The following TRPC5 variants were observed in gnomAD, a reference collection of about 807,000 sequenced individuals.
The protein encoded by TRPC5 is transient receptor potential cation channel subfamily C member 5.
A neutral mutation model predicts 56.5 loss-of-function variants in TRPC5; 9 were observed. That is an observed-to-expected ratio of 0.16 (90% confidence interval 0.10 to 0.28). TRPC5 has a LOEUF of 0.28. Ranked by LOEUF, TRPC5 falls within the 10% of genes least tolerant of loss-of-function variation. The pLI is 1.00. For missense variants in TRPC5, 469 were observed against 748.9 expected, an observed-to-expected ratio of 0.63 and a Z score of 4.36; for synonymous variants, 282 against 278.5, an observed-to-expected ratio of 1.01 and a Z score of -0.13.
intron 1 of TRPC5, among the ~76,000 whole-genome samples, chrX:112,062,065 T>C (rs1930472075): frequency 8.9e-6 from 1 of 111,965 alleles, no homozygotes; most frequent in African/African-American, 3.2e-5. Context: ...AGATGTGTTT[T>C]CCTTCTAGAC....
chrX:111,892,846 T>G (rs1225249068), intron 3 of TRPC5, among the ~76,000 whole-genome samples: 2 of 111,806 alleles, frequency 1.8e-5, no homozygotes, highest in East Asian at 2.8e-4. Context: ...TCACTAGTCA[T>G]GATGTACCAC....
At chrX:111,925,553 C>G (rs956378611) in intron 2 of TRPC5, among the ~76,000 whole-genome samples, 1 of 111,694 alleles carries the variant, frequency 9.0e-6, no homozygotes, top group Non-Finnish European at 1.9e-5. Context: ...AAAATTCTGG[C>G]AGGTTTCAAA....
At chrX:112,020,607 A>G (rs1929249368) in intron 1 of TRPC5, among the ~76,000 whole-genome samples, 1 of 111,972 alleles carries the variant, frequency 8.9e-6, no homozygotes, top group Non-Finnish European at 1.9e-5. Flanking sequence ...TGATGAGATG[A>G]GCAAGTATTA....
At chrX:111,931,002 G>A (rs1357848204) in intron 2 of TRPC5, 1 of 120,687 alleles carries the variant, frequency 8.3e-6, no homozygotes, top group Non-Finnish European at 1.7e-5. Flanking sequence ...CAAAAAGGAG[G>A]AGGAGGACAG....
At chrX:111,778,304 TAAAA>T (rs1386452111) in intron 10 of TRPC5, among the ~76,000 whole-genome samples, 1 of 111,073 alleles carries the variant, frequency 9.0e-6, no homozygotes, top group Admixed American at 9.6e-5. Context: ...ATAAAAAAAT[TAAAA>T]AATATATATA....
chrX:111,903,992 G>A (rs1037211224), intron 3 of TRPC5: 2 of 111,955 alleles, frequency 1.8e-5, no homozygotes, highest in Non-Finnish European at 3.8e-5. Context: ...TCAAAAAAAC[G>A]TGTGGTCATC....
Position 111,776,980 on chromosome X carries a change from C to G in TRPC5, c.2255G>C (p.Ser752Thr). The part of the protein sequence containing the change: ...NFKELKQDIS[S>T]FRYEVLDLLG... Reference sequence around the variant, plus strand: ...GAGGTCAAGCACTTCATACCGAAAGCTGGAGATGTCTTGCTTTAATTCCTG... The same window carrying G: ...GAGGTCAAGCACTTCATACCGAAAGGTGGAGATGTCTTGCTTTAATTCCTG... Residue 752 changes from serine to threonine, a missense_variant, in exon 11 of 11, where the codon AGC becomes ACC. Ser to Thr is a moderately conservative substitution (Grantham distance 58). Coordinates refer to ENST00000262839, the MANE Select transcript of TRPC5 (RefSeq NM_012471.3). The G allele has an allele frequency of 8.7e-7, 1 of 1,143,662 alleles. No homozygotes were observed. The highest frequency in any genetic ancestry group is 1.2e-6 in the Non-Finnish European group (1 of 863,355). The allele number at this position is 1,143,662 out of a possible 1,213,427, so 94.3% of individuals were successfully genotyped here.
At chrX:111,787,355 C>G (rs1172272040) in intron 7 of TRPC5, among the ~76,000 whole-genome samples, 11 of 111,245 alleles carry the variant, frequency 9.9e-5, no homozygotes, top group Non-Finnish European at 5.6e-5. Context: ...TCTTTGAAAT[C>G]AATGAGAACA....
intron 3 of TRPC5, chrX:111,903,000 G>A (rs985974372): frequency 2.0e-4 from 22 of 111,772 alleles, no homozygotes; most frequent in Non-Finnish European, 4.1e-4. Context: ...CACCATATTG[G>A]ACTAAATATC....
At chrX:112,043,649 A>T (rs901366625) in intron 1 of TRPC5, among the ~76,000 whole-genome samples, 1 of 86,771 alleles carries the variant, frequency 1.2e-5, no homozygotes, top group Non-Finnish European at 2.4e-5. Flanking sequence ...AAGAGGTAAA[A>T]AAAAAAAAAA....
At chrX:111,788,969 C>G (rs998281977) in intron 7 of TRPC5, among the ~76,000 whole-genome samples, 1 of 111,775 alleles carries the variant, frequency 8.9e-6, no homozygotes, top group African/African-American at 3.3e-5. Flanking sequence ...GAATCATTAT[C>G]GTGAAAATGG....
intron 1 of TRPC5, among the ~76,000 whole-genome samples, chrX:111,973,548 G>A: frequency 9.0e-6 from 1 of 111,409 alleles, no homozygotes; most frequent in East Asian, 2.8e-4. Context: ...CATATCCCTA[G>A]GTGGATGAAT....
intron 6 of TRPC5, among the ~76,000 whole-genome samples, chrX:111,839,649 C>T (rs1169388870): frequency 8.9e-6 from 1 of 111,857 alleles, no homozygotes; most frequent in Non-Finnish European, 1.9e-5. Flanking sequence ...TATAAAATGG[C>T]ATAGTGTTTA....
At chrX:111,829,357 T>C (rs1431833549) in intron 7 of TRPC5, among the ~76,000 whole-genome samples, 2 of 102,390 alleles carry the variant, frequency 2.0e-5, no homozygotes, top group East Asian at 6.0e-4. Flanking sequence ...GAAAATGTGA[T>C]AGAAAAGAAA....
intron 2 of TRPC5, among the ~76,000 whole-genome samples, chrX:111,927,477 A>G (rs896161006): frequency 8.9e-6 from 1 of 112,059 alleles, no homozygotes; most frequent in Non-Finnish European, 1.9e-5. Flanking sequence ...AAGAGTCTCT[A>G]TGGCTAGAAA....
intron 1 of TRPC5, among the ~76,000 whole-genome samples, chrX:112,075,184 C>A (rs144775128): frequency 0.014 from 1,515 of 112,128 alleles, 19 homozygotes; most frequent in Middle Eastern, 0.05. Flanking sequence ...GTTTTCTGTT[C>A]GTTCTTGAGG....
At chrX:112,018,768 C>G (rs1345930902) in intron 1 of TRPC5, among the ~76,000 whole-genome samples, 1 of 112,415 alleles carries the variant, frequency 8.9e-6, no homozygotes, top group Non-Finnish European at 1.9e-5. Flanking sequence ...CATAGTCTCA[C>G]TGAACTGAAA....
intron 1 of TRPC5, among the ~76,000 whole-genome samples, chrX:111,967,295 G>A (rs1373910024): frequency 3.6e-5 from 4 of 110,850 alleles, no homozygotes; most frequent in South Asian, 7.8e-4. Flanking sequence ...CCTCTTCAAG[G>A]AGAACTACAA....
At chrX:111,847,078 A>G in intron 6 of TRPC5, 36 bp downstream of exon 6, 2 of 1,158,182 alleles carry the variant, frequency 1.7e-6, no homozygotes, top group Non-Finnish European at 1.1e-6. Flanking sequence ...TGGCAAAAAA[A>G]AAAATAAATA....
Sources: allele counts gnomAD v4.1 joint callset (sites outside exome capture counted in the v4.1 genomes callset), GRCh38; gene constraint gnomAD v4.1.1; transcripts MANE v1.5; gene names NCBI Gene and HGNC (gene_info 2026-07-23, HGNC 2026-07-21).